The following LINGO2 variants were observed in gnomAD, a reference collection of about 807,000 sequenced individuals.
LINGO2 encodes the protein leucine-rich repeat and immunoglobulin-like domain-containing nogo receptor-interacting protein 2.
LINGO2 carries 14 observed loss-of-function variants against 30.6 expected under a neutral mutation model. The observed-to-expected ratio is 0.46, with a 90% CI of 0.30 to 0.72. LINGO2 has a LOEUF of 0.72. LINGO2 is among the 30% of genes least tolerant of loss of function. LINGO2 has a pLI of 0.07. For synonymous variants in LINGO2, 317 were observed against 288.5 expected (o/e 1.10, Z -1.00); for missense variants, 729 against 751.7 (o/e 0.97, Z 0.35).
At chr9:29,188,654 G>A in the LINGO2 span, among the ~76,000 whole-genome samples, 110 of 144,052 alleles carry the variant, frequency 7.6e-4, 2 homozygotes, top group African/African-American at 2.6e-3. Flanking sequence ...GGGCGGCCGG[G>A]CAGAAGCGCC....
At chr9:28,820,037 T>A in the LINGO2 span, among the ~76,000 whole-genome samples, 1 of 152,204 alleles carries the variant, frequency 6.6e-6, no homozygotes, top group Admixed American at 6.5e-5. Flanking sequence ...ATTATTCATC[T>A]ACAGGGATAT....
chr9:28,174,091 A>G (rs1235480203), intron 4 of LINGO2, among the ~76,000 whole-genome samples: 2 of 152,322 alleles, frequency 1.3e-5, no homozygotes, highest in East Asian at 3.9e-4. Flanking sequence ...TTTTTTGCAG[A>G]ACAGAATAAT....
chr9:28,212,104 G>T (rs1820612734), intron 4 of LINGO2, among the ~76,000 whole-genome samples: 1 of 151,352 alleles, frequency 6.6e-6, no homozygotes, highest in African/African-American at 2.4e-5. Context: ...GAGTAAAATT[G>T]AAAATAATAA....
the LINGO2 span, among the ~76,000 whole-genome samples, chr9:28,879,538 T>A: frequency 1.5e-3 from 225 of 152,346 alleles, 4 homozygotes; most frequent in African/African-American, 5.1e-3. Flanking sequence ...CAATTACCAC[T>A]GAAATTTGTG....
At chr9:28,360,522 A>G (rs1199318530) in intron 3 of LINGO2, among the ~76,000 whole-genome samples, 1 of 152,136 alleles carries the variant, frequency 6.6e-6, no homozygotes, top group Non-Finnish European at 1.5e-5. Flanking sequence ...AAGCTGCTCT[A>G]AAACTCCTTT....
chr9:28,111,567 A>G (rs913324200), intron 4 of LINGO2, among the ~76,000 whole-genome samples: 2 of 152,110 alleles, frequency 1.3e-5, no homozygotes, highest in African/African-American at 4.8e-5. Flanking sequence ...ATCCAAGTGA[A>G]TGTGGCTAGT....
intron 2 of LINGO2, among the ~76,000 whole-genome samples, chr9:28,398,325 C>G (rs1046121836): frequency 6.6e-6 from 1 of 152,124 alleles, no homozygotes; most frequent in Non-Finnish European, 1.5e-5. Flanking sequence ...ATTTAATATA[C>G]AAATATATTC....
the LINGO2 span, among the ~76,000 whole-genome samples, chr9:28,963,325 C>T: frequency 6.6e-6 from 1 of 151,772 alleles, no homozygotes; most frequent in Non-Finnish European, 1.5e-5. Context: ...ATTAGCACAG[C>T]TCAAGACTAG....
At chr9:28,163,781 G>A (rs1028825571) in intron 4 of LINGO2, among the ~76,000 whole-genome samples, 1 of 152,084 alleles carries the variant, frequency 6.6e-6, no homozygotes, top group African/African-American at 2.4e-5. Context: ...CACATCTACA[G>A]CCCAATTTTC....
the LINGO2 span, among the ~76,000 whole-genome samples, chr9:29,157,486 G>C: frequency 6.6e-6 from 1 of 152,138 alleles, no homozygotes; most frequent in East Asian, 1.9e-4. Context: ...GGAAAGTCAA[G>C]AGTAAACTGA....
chr9:28,739,734 C>T, the LINGO2 span, among the ~76,000 whole-genome samples: 1 of 151,380 alleles, frequency 6.6e-6, no homozygotes, highest in Admixed American at 6.6e-5. Context: ...TTTCTGAAAT[C>T]TATGTATCTC....
chr9:28,969,952 A>G, the LINGO2 span, among the ~76,000 whole-genome samples: 4 of 152,234 alleles, frequency 2.6e-5, no homozygotes, highest in Non-Finnish European at 5.9e-5. Context: ...ACATCTAGAA[A>G]TCCGGAGCAC....
rs1187300003 is a variant in LINGO2, at chr9:28,462,025, C to G, written c.-279+13915G>C. ...CCAAGATTTGAAGCATCATCTGTCT[C>G]CTTTCAAAATCTGTATTCATTCTCC... On this transcript the variant is annotated intron_variant, in intron 2 of 5. Transcript: ENST00000379992. 3.9e-5 allele frequency among the ~76,000 whole-genome samples: 6 copies of G among 152,060 alleles called. No individual in the cohort carries two copies. The East Asian group carries it at 1.2e-3, about 29-fold the overall frequency.
chr9:28,182,518 T>C (rs1226071235), intron 4 of LINGO2, among the ~76,000 whole-genome samples: 1 of 152,198 alleles, frequency 6.6e-6, no homozygotes, highest in Admixed American at 6.5e-5. Context: ...ATCATCATAG[T>C]GAACAGGCAA....
At chr9:28,145,826 C>A (rs1308174241) in intron 4 of LINGO2, among the ~76,000 whole-genome samples, 1 of 152,056 alleles carries the variant, frequency 6.6e-6, no homozygotes, top group Admixed American at 6.5e-5. Flanking sequence ...GCAAAAGTGG[C>A]AGAAACTAAT....
the LINGO2 span, among the ~76,000 whole-genome samples, chr9:29,048,407 T>C: frequency 2.0e-5 from 3 of 151,882 alleles, no homozygotes; most frequent in Non-Finnish European, 4.4e-5. Flanking sequence ...CAAAGCAATC[T>C]ACAGCTTCAA....
chr9:29,167,787 T>C, the LINGO2 span, among the ~76,000 whole-genome samples: 1 of 152,238 alleles, frequency 6.6e-6, no homozygotes, highest in African/African-American at 2.4e-5. Context: ...CAATTCACAT[T>C]TCCTGCTTGT....
At chr9:28,324,942 C>T (rs1028640230) in intron 3 of LINGO2, among the ~76,000 whole-genome samples, 1 of 152,024 alleles carries the variant, frequency 6.6e-6, no homozygotes, top group Non-Finnish European at 1.5e-5. Flanking sequence ...CTTGAAGACC[C>T]CTTTCCAGTA....
At chr9:28,969,417 C>T in the LINGO2 span, among the ~76,000 whole-genome samples, 1 of 152,116 alleles carries the variant, frequency 6.6e-6, no homozygotes, top group Admixed American at 6.6e-5. Flanking sequence ...GGAAAATTAA[C>T]ATAAATAGAA....
Sources: gnomAD v4.1 joint callset for allele counts (sites outside exome capture counted in the v4.1 genomes callset) on GRCh38, gnomAD v4.1.1 for gene constraint, MANE v1.5 for transcripts, NCBI Gene and HGNC (gene_info 2026-07-23, HGNC 2026-07-21) for gene names.